PLCB1: variants seen among roughly 807,000 people sequenced by gnomAD.
The protein encoded by PLCB1 is 1-phosphatidylinositol 4,5-bisphosphate phosphodiesterase beta-1.
PLCB1 carries 46 observed loss-of-function variants against 161.8 expected under a neutral mutation model. The ratio of observed to expected loss-of-function variants is 0.28; its 90% confidence interval spans 0.22 to 0.36. PLCB1 has a LOEUF of 0.36. Among genes scored for constraint, PLCB1 ranks in the 10% least tolerant of loss-of-function variants. The pLI is 1.00. For synonymous variants in PLCB1, 517 were observed against 503.7 expected, an observed-to-expected ratio of 1.03 and a Z score of -0.35; for missense variants, 1,016 against 1,472.5, an observed-to-expected ratio of 0.69 and a Z score of 5.07.
intron 3 of PLCB1, among the ~76,000 whole-genome samples, chr20:8,501,986 G>A (rs1453262314): frequency 6.9e-6 from 1 of 144,578 alleles, no homozygotes; most frequent in African/African-American, 2.6e-5. Context: ...TTTCTTCTAA[G>A]GAATGCAATT....
chr20:8,354,674 T>C (rs1314578610), intron 2 of PLCB1, among the ~76,000 whole-genome samples: 2 of 151,942 alleles, frequency 1.3e-5, no homozygotes, highest in African/African-American at 4.8e-5. Context: ...CGGAGGAGAG[T>C]TGGGGAAATC....
chr20:8,412,033 GA>G (rs987131508), intron 3 of PLCB1, among the ~76,000 whole-genome samples: 1 of 149,202 alleles, frequency 6.7e-6, no homozygotes, highest in Non-Finnish European at 1.5e-5. Flanking sequence ...TCAGAAAAAA[GA>G]AAAAAAAAGA....
At chr20:8,470,185 C>T (rs1318742369) in intron 3 of PLCB1, among the ~76,000 whole-genome samples, 1 of 152,156 alleles carries the variant, frequency 6.6e-6, no homozygotes, top group Non-Finnish European at 1.5e-5. Flanking sequence ...AGTTGATGGA[C>T]ATTTCAGCCA....
In PLCB1 at chr20:8,766,525, C is replaced by T. The variant is rs562803895; in HGVS notation, c.2930+1167C>T. ...GCAAAGTGGGTGAAACATTGTAAAC[C>T]ATGAGAGGAGTGAAACAGGATGAGA... On this transcript the variant is annotated intron_variant, in intron 26 of 31. Transcript: ENST00000338037. 2.6e-5 allele frequency among the ~76,000 whole-genome samples: 4 copies of T among 152,272 alleles called. No individual in the cohort carries two copies. The East Asian group carries it at 7.7e-4, about 29-fold the overall frequency.
chr20:8,559,896 T>C (rs1170694642), intron 3 of PLCB1, among the ~76,000 whole-genome samples: 1 of 152,014 alleles, frequency 6.6e-6, no homozygotes, highest in Non-Finnish European at 1.5e-5. Flanking sequence ...CAAATCCTCT[T>C]TTTTTATAAC....
chr20:8,530,866 T>A (rs1984786059), intron 3 of PLCB1, among the ~76,000 whole-genome samples: 1 of 152,066 alleles, frequency 6.6e-6, no homozygotes, highest in Non-Finnish European at 1.5e-5. Flanking sequence ...GTAACAATAG[T>A]TTTTATTGAA....
At chr20:8,656,497 T>C (rs1989459925) in intron 7 of PLCB1, among the ~76,000 whole-genome samples, 1 of 152,038 alleles carries the variant, frequency 6.6e-6, no homozygotes, top group Non-Finnish European at 1.5e-5. Context: ...AAGGCTTGAA[T>C]ACATGCTTCC....
chr20:8,312,569 C>T (rs1984456020), intron 2 of PLCB1, among the ~76,000 whole-genome samples: 1 of 152,106 alleles, frequency 6.6e-6, no homozygotes, highest in Admixed American at 6.6e-5. Context: ...GCATGCGGTG[C>T]TTGGGTAGTG....
intron 31 of PLCB1, among the ~76,000 whole-genome samples, chr20:8,872,742 A>C (rs1987648881): frequency 6.6e-6 from 1 of 151,958 alleles, no homozygotes; most frequent in Non-Finnish European, 1.5e-5. Flanking sequence ...TCCATGAATC[A>C]TTTGCTTCCT....
intron 2 of PLCB1, among the ~76,000 whole-genome samples, chr20:8,356,215 A>C (rs971435604): frequency 6.6e-6 from 1 of 152,158 alleles, no homozygotes; most frequent in African/African-American, 2.4e-5. Flanking sequence ...TAAGTAAGGG[A>C]ATTATTAAGA....
chr20:8,818,881 C>A (rs1051692203), intron 31 of PLCB1, among the ~76,000 whole-genome samples: 1 of 148,956 alleles, frequency 6.7e-6, no homozygotes, highest in Non-Finnish European at 1.5e-5. Context: ...GCGGAGGCTG[C>A]AGTGAGCCAA....
At chr20:8,821,517 A>G (rs866371158) in intron 31 of PLCB1, among the ~76,000 whole-genome samples, 2 of 23,436 alleles carry the variant, frequency 8.5e-5, no homozygotes, top group South Asian at 1.4e-3. Context: ...ATATATATAT[A>G]TATATATATA....
In PLCB1 at chr20:8,803,448, T is replaced by C. The variant is rs182306310; in HGVS notation, c.3423+13187T>C. ...GGCCTTTGATTTTTTTTTTTTTTTT[T>C]CTACTGCCTGTAACACTAGAAAGAG... On this transcript the variant is annotated intron_variant, in intron 31 of 31. Coordinates refer to ENST00000338037, the MANE Select transcript of PLCB1 (RefSeq NM_015192.4). 3.1e-3 allele frequency among the ~76,000 whole-genome samples: 475 copies of C among 150,922 alleles called. 3 individuals carry two copies. Among genetic ancestry groups the C allele is most frequent in the Admixed American group, 0.02 (303 of 15,138 alleles).
At chr20:8,235,838 C>T (rs1600252296) in intron 2 of PLCB1, among the ~76,000 whole-genome samples, 1 of 152,042 alleles carries the variant, frequency 6.6e-6, no homozygotes, top group Middle Eastern at 3.4e-3. Flanking sequence ...GTGAAGCTGA[C>T]ATTCAAAACC....
Position 8,765,181 on chromosome 20 carries a change from C to T in PLCB1, c.2753C>T (p.Ser918Leu), listed in dbSNP as rs759604666. The T allele has an allele frequency of 3.7e-6, 6 of 1,613,860 alleles. No homozygotes were observed. The highest frequency in any genetic ancestry group is 2.5e-6 in the Non-Finnish European group (3 of 1,179,946). The part of the protein sequence containing the change: ...QTIEELKQQK[S>L]FVKLQKKHYK... The stretch of plus-strand genomic sequence containing the variant: ...ATCGAAGAACTAAAGCAACAGAAAT[C>T]GTTTGTGAAACTTCAAAAGAAACAC... Residue 918 changes from serine to leucine, a missense_variant, in exon 26 of 32, where the codon TCG becomes TTG. Physicochemically the swap from Ser to Leu is moderately radical, Grantham distance 145. Coordinates refer to ENST00000338037, the MANE Select transcript of PLCB1 (RefSeq NM_015192.4).
At chr20:8,231,994 T>C (rs1296012912) in intron 2 of PLCB1, among the ~76,000 whole-genome samples, 1 of 152,184 alleles carries the variant, frequency 6.6e-6, no homozygotes, top group African/African-American at 2.4e-5. Context: ...CAATCTATCA[T>C]CTTTTCAGCC....
At chr20:8,263,890 T>C (rs553350689) in intron 2 of PLCB1, among the ~76,000 whole-genome samples, 2 of 152,328 alleles carry the variant, frequency 1.3e-5, no homozygotes, top group East Asian at 1.9e-4. Flanking sequence ...AGGACATTAA[T>C]GTACACTACT....
intron 27 of PLCB1, among the ~76,000 whole-genome samples, chr20:8,788,166 T>C (rs2146219721): frequency 6.6e-6 from 1 of 152,370 alleles, no homozygotes; most frequent in East Asian, 1.9e-4. Flanking sequence ...CTGTAAGTTG[T>C]CTTTGCACTG....
At chr20:8,372,551 C>T (rs1372737972) in intron 3 of PLCB1, among the ~76,000 whole-genome samples, 1 of 152,106 alleles carries the variant, frequency 6.6e-6, no homozygotes, top group Non-Finnish European at 1.5e-5. Context: ...GAACTGTATT[C>T]AAGAAGGCTT....
Sources: gnomAD v4.1 joint callset for allele counts (sites outside exome capture counted in the v4.1 genomes callset) on GRCh38, gnomAD v4.1.1 for gene constraint, MANE v1.5 for transcripts, NCBI Gene and HGNC (gene_info 2026-07-23, HGNC 2026-07-21) for gene names.